The following WFDC3 variants were observed in gnomAD, a reference collection of about 807,000 sequenced individuals.
The protein encoded by WFDC3 is WAP four-disulfide core domain protein 3.
In WFDC3, 15 loss-of-function variants were observed where a neutral mutation model predicts 25.8. The observed-to-expected ratio is 0.58, with a 90% CI of 0.39 to 0.89. The LOEUF is 0.89. Among genes scored for constraint, WFDC3 ranks in the 40% least tolerant of loss-of-function variants. WFDC3 has a pLI of 0.00. For synonymous variants in WFDC3, 103 were observed against 107.1 expected, an observed-to-expected ratio of 0.96 and a Z score of 0.24; for missense variants, 264 against 289.8, an observed-to-expected ratio of 0.91 and a Z score of 0.65.
intron 4 of WFDC3, among the ~76,000 whole-genome samples, chr20:45,785,801 T>C (rs546853931): frequency 2.6e-5 from 4 of 152,242 alleles, no homozygotes; most frequent in South Asian, 4.1e-4. Context: ...GAGAGCCCTG[T>C]CACTTCTACC....
chr20:45,783,510 C>A (rs957941665), intron 4 of WFDC3, among the ~76,000 whole-genome samples: 1 of 151,952 alleles, frequency 6.6e-6, no homozygotes, highest in African/African-American at 2.4e-5. Flanking sequence ...CATTTCTTCT[C>A]AACTGCATTA....
intron 4 of WFDC3, among the ~76,000 whole-genome samples, chr20:45,782,522 C>T (rs1350865690): frequency 8.6e-5 from 13 of 151,930 alleles, no homozygotes; most frequent in Non-Finnish European, 1.3e-4. Context: ...GGATTACAGA[C>T]GCCCACCATC....
chr20:45,782,538 C>T (rs1339715296), intron 4 of WFDC3, among the ~76,000 whole-genome samples: 5 of 151,956 alleles, frequency 3.3e-5, no homozygotes, highest in East Asian at 1.9e-4. Flanking sequence ...CCATCATGCC[C>T]GGCTAATTTT....
At chr20:45,782,613 T>G (rs1462724422) in intron 4 of WFDC3, among the ~76,000 whole-genome samples, 2 of 152,126 alleles carry the variant, frequency 1.3e-5, no homozygotes, top group Admixed American at 6.6e-5. Flanking sequence ...CCTGACCTCG[T>G]GATCTGCCCG....
At chr20:45,774,555 T>A in intron 6 of WFDC3, 111 bp from the exon 7 acceptor site, 1 of 1,413,218 alleles carries the variant, frequency 7.1e-7, no homozygotes, top group South Asian at 1.2e-5. Context: ...TCAAAAGTCT[T>A]AAATAGCTCC....
At chr20:45,781,800 AG>A (rs1980456547) in intron 4 of WFDC3, among the ~76,000 whole-genome samples, 1 of 152,228 alleles carries the variant, frequency 6.6e-6, no homozygotes, top group Non-Finnish European at 1.5e-5. Context: ...CAAACAGTTT[AG>A]GCACAGTGAA....
chr20:45,781,196 C>G lies in WFDC3; in HGVS notation c.359-3987G>C, dbSNP rs189592868. ...CCTGGGAGGCAGAGGTTGCAGTGAG[C>G]CGAGATCACACCACTGCACTCCATC... On this transcript the variant is annotated intron_variant, in intron 4 of 6. Coordinates refer to ENST00000243938, the MANE Select transcript of WFDC3 (RefSeq NM_080614.2). Among the ~76,000 whole-genome samples, 138 of 152,126 alleles carry G rather than the reference C, an allele frequency of 9.1e-4. 1 individual carries two copies. Among genetic ancestry groups the G allele is most frequent in the Admixed American group, 4.7e-3 (72 of 15,282 alleles).
rs576264660 is a variant in WFDC3 at position 45,784,655 on chromosome 20, C to T, written c.358+3181G>A. ...ACTTGGGAGGCTGAGGCAGGAGAAT[C>T]GCTTGAACCTGGGAGGTGGAGATTG... is the stretch of plus-strand genomic sequence containing the variant. On this transcript the variant is annotated intron_variant, in intron 4 of 6. Coordinates refer to ENST00000243938, the MANE Select transcript of WFDC3 (RefSeq NM_080614.2). Among the ~76,000 whole-genome samples the T allele has an allele frequency of 1.4e-4, 21 of 152,216 alleles. No individual in the cohort carries two copies. In the South Asian group the frequency reaches 1.9e-3, roughly 14 times the overall value.
chr20:45,784,411 G>T (rs1224246565), intron 4 of WFDC3, among the ~76,000 whole-genome samples: 1 of 152,226 alleles, frequency 6.6e-6, no homozygotes, highest in African/African-American at 2.4e-5. Flanking sequence ...CAGGGAAGAA[G>T]AAAACCATCC....
chr20:45,776,576 G>T (rs1276967356), intron 5 of WFDC3, among the ~76,000 whole-genome samples: 3 of 121,696 alleles, frequency 2.5e-5, no homozygotes, highest in African/African-American at 9.6e-5. Flanking sequence ...CTAGCCTGGG[G>T]TACAGACCAA....
chr20:45,778,832 T>C (rs1350840415), intron 4 of WFDC3: 1 of 130,362 alleles, frequency 7.7e-6, no homozygotes, highest in Non-Finnish European at 1.6e-5. Flanking sequence ...TTAAAATAAA[T>C]AAATAATAAA....
intron 4 of WFDC3, among the ~76,000 whole-genome samples, chr20:45,782,022 T>C (rs1215293816): frequency 2.0e-5 from 3 of 152,154 alleles, no homozygotes; most frequent in East Asian, 1.9e-4. Flanking sequence ...TAAAAGATAA[T>C]ACATATATGT....
intron 5 of WFDC3, among the ~76,000 whole-genome samples, chr20:45,775,843 G>A (rs1980117735): frequency 6.6e-6 from 1 of 151,956 alleles, no homozygotes; most frequent in Non-Finnish European, 1.5e-5. Context: ...AGGTAACTCA[G>A]GGATTGACAC....
intron 6 of WFDC3, among the ~76,000 whole-genome samples, chr20:45,775,030 T>C (rs1351722639): frequency 6.6e-6 from 1 of 151,540 alleles, no homozygotes; most frequent in African/African-American, 2.4e-5. Flanking sequence ...TCCCACACAT[T>C]CCCACCCTGT....
At chr20:45,783,831 A>G (rs1980555121) in intron 4 of WFDC3, among the ~76,000 whole-genome samples, 1 of 152,200 alleles carries the variant, frequency 6.6e-6, no homozygotes, top group Admixed American at 6.5e-5. Flanking sequence ...AGAGTTGGGT[A>G]TAGCAACCAG....
intron 4 of WFDC3, among the ~76,000 whole-genome samples, chr20:45,780,054 C>A (rs1365388241): frequency 6.8e-6 from 1 of 146,656 alleles, no homozygotes; most frequent in Non-Finnish European, 1.5e-5. Flanking sequence ...AGCTAGACAG[C>A]CTTTATACCT....
chr20:45,784,346 G>A (rs946627559), intron 4 of WFDC3, among the ~76,000 whole-genome samples: 3 of 152,216 alleles, frequency 2.0e-5, no homozygotes, highest in Admixed American at 1.3e-4. Flanking sequence ...AGGTTTGACT[G>A]GAAGGAAAAA....
chr20:45,784,028 C>A (rs1431107810), intron 4 of WFDC3, among the ~76,000 whole-genome samples: 1 of 152,182 alleles, frequency 6.6e-6, no homozygotes, highest in Non-Finnish European at 1.5e-5. Flanking sequence ...AAAAGGAAGC[C>A]CTATCTGGGC....
intron 4 of WFDC3, 87 bp downstream of exon 4, chr20:45,787,749 G>A: frequency 1.4e-6 from 2 of 1,467,642 alleles, no homozygotes; most frequent in African/African-American, 1.4e-5. Context: ...TAGCAGCAAA[G>A]TAAAACCAAC....
Sources: allele counts gnomAD v4.1 joint callset (sites outside exome capture counted in the v4.1 genomes callset), GRCh38; gene constraint gnomAD v4.1.1; transcripts MANE v1.5; gene names NCBI Gene and HGNC (gene_info 2026-07-23, HGNC 2026-07-21).